FBXO42: variants seen among roughly 807,000 people sequenced by gnomAD.
FBXO42 encodes the protein F-box only protein 42.
Under a neutral mutation model 71.7 loss-of-function variants are expected in FBXO42, and 12 were observed. That is an observed-to-expected ratio of 0.17 (90% CI 0.11 to 0.27). The LOEUF (loss-of-function observed/expected upper bound fraction) is 0.27, where lower values mean the gene tolerates loss of function less well. Ranked by LOEUF, FBXO42 falls within the 10% of genes least tolerant of loss-of-function variation. FBXO42 has a pLI of 1.00. For missense variants in FBXO42, 707 were observed against 911.9 expected (o/e 0.78, Z 2.89); for synonymous variants, 325 against 327.5 (o/e 0.99, Z 0.08).
At chr1:16,342,874 G>C (rs926759205) in intron 1 of FBXO42, among the ~76,000 whole-genome samples, 1 of 151,970 alleles carries the variant, frequency 6.6e-6, no homozygotes, top group Non-Finnish European at 1.5e-5. Context: ...TAGTTCCTGG[G>C]AGAGTAGGTT....
intron 4 of FBXO42, among the ~76,000 whole-genome samples, chr1:16,273,929 T>C (rs912831364): frequency 6.6e-6 from 1 of 152,078 alleles, no homozygotes; most frequent in Non-Finnish European, 1.5e-5. Context: ...CTCATGGTAA[T>C]GGAAGGGAAT....
chr1:16,326,977 T>C (rs950248083), intron 1 of FBXO42, among the ~76,000 whole-genome samples: 3 of 152,182 alleles, frequency 2.0e-5, no homozygotes, highest in African/African-American at 7.2e-5. Context: ...CCTGCTCACT[T>C]ACACAGCACC....
intron 1 of FBXO42, 82 bp from the exon 2 acceptor site, chr1:16,315,517 G>T: frequency 7.1e-7 from 1 of 1,410,972 alleles, no homozygotes; most frequent in Non-Finnish European, 9.6e-7. Flanking sequence ...CAAGCTCTTT[G>T]TAATTTCGTT....
chr1:16,256,647 T>A lies in FBXO42; in HGVS notation c.615A>T (p.Arg205Ser), dbSNP rs1355708705. Residue 205 changes from arginine to serine, a missense_variant, in exon 5 of 10, where the codon AGA (arginine) becomes AGT (serine). Around this residue, in one of 5 missense-constraint regions of FBXO42, gnomAD observed 10 missense variants for 40.2 expected, o/e 0.25. Coordinates refer to ENST00000375592, the MANE Select transcript of FBXO42 (RefSeq NM_018994.3). ...PSPYPLHQPE[R>S]FFDEIHTYSP... ...AGTAAGTGTGTATTTCATCAAAGAA[T>A]CTCTCTGGCTGGTGTAGGGGATAAG... 6.2e-7 allele frequency: 1 copy of A among 1,614,054 alleles called. No individual in the cohort carries two copies. Among genetic ancestry groups the A allele is most frequent in the East Asian group, 2.2e-5 (1 of 44,894 alleles).
At chr1:16,257,862 G>C (rs1323165638) in intron 4 of FBXO42, among the ~76,000 whole-genome samples, 1 of 152,142 alleles carries the variant, frequency 6.6e-6, no homozygotes, top group African/African-American at 2.4e-5. Flanking sequence ...TGCATTTTTA[G>C]TTGAGATGGG....
intron 4 of FBXO42, among the ~76,000 whole-genome samples, chr1:16,281,472 G>GTT (rs376419524): frequency 1.3e-4 from 18 of 136,232 alleles, no homozygotes; most frequent in African/African-American, 2.8e-4. Flanking sequence ...TTCTTTTTTT[G>GTT]TTTTTTTTTT....
chr1:16,334,521 T>C (rs555580805), intron 1 of FBXO42, among the ~76,000 whole-genome samples: 2 of 152,124 alleles, frequency 1.3e-5, no homozygotes, highest in East Asian at 3.9e-4. Flanking sequence ...ATATGGTCTA[T>C]GTTAAACAGT....
At chr1:16,263,620 G>A (rs2081738161) in intron 4 of FBXO42, among the ~76,000 whole-genome samples, 1 of 151,438 alleles carries the variant, frequency 6.6e-6, no homozygotes, top group Non-Finnish European at 1.5e-5. Context: ...CTTCTTGTGA[G>A]GCTGAGGCAG....
chr1:16,351,467 G>A (rs907989777), intron 1 of FBXO42, among the ~76,000 whole-genome samples: 1 of 152,104 alleles, frequency 6.6e-6, no homozygotes, highest in African/African-American at 2.4e-5. Flanking sequence ...TAAGAAATGA[G>A]GCTTTTATTT....
chr1:16,313,352 G>GAA (rs2082334324), intron 2 of FBXO42, among the ~76,000 whole-genome samples: 1 of 149,976 alleles, frequency 6.7e-6, no homozygotes, highest in African/African-American at 2.5e-5. Context: ...AAGAAAGAAA[G>GAA]AAAGAAAGAA....
chr1:16,340,169 C>G (rs987590487), intron 1 of FBXO42, among the ~76,000 whole-genome samples: 1 of 150,704 alleles, frequency 6.6e-6, no homozygotes, highest in African/African-American at 2.4e-5. Flanking sequence ...GAGCAAGACT[C>G]CAGTCTCAAA....
chr1:16,278,743 GGACAGTTATTTCTA>G (rs1553150996), intron 4 of FBXO42, among the ~76,000 whole-genome samples: 1 of 152,020 alleles, frequency 6.6e-6, no homozygotes, highest in Non-Finnish European at 1.5e-5. Flanking sequence ...GTAATATTCT[GGACAGTTATTTCTA>G]GACAGTTATT....
intron 4 of FBXO42, among the ~76,000 whole-genome samples, chr1:16,276,236 C>T (rs1482861077): frequency 1.3e-5 from 2 of 151,650 alleles, no homozygotes; most frequent in South Asian, 2.1e-4. Context: ...AAAAATTAGC[C>T]GGGCATGGTG....
In FBXO42 at chr1:16,320,599, G is replaced by A. The variant is rs533436311; in HGVS notation, c.-17-5164C>T. Among the ~76,000 whole-genome samples the A allele has an allele frequency of 3.3e-5, 5 of 151,654 alleles. No individual in the cohort carries two copies. The East Asian group carries it at 9.7e-4, about 29-fold the overall frequency. ...GCTCACTGCAACCTCTGCCTCCCAG[G>A]TTCAAGTGATTCTCCCACCTCAGCC... is the stretch of plus-strand genomic sequence containing the variant. On this transcript the variant is annotated intron_variant, in intron 1 of 9. Coordinates refer to ENST00000375592, the MANE Select transcript of FBXO42 (RefSeq NM_018994.3).
At chr1:16,253,768 A>C (rs1487149787) in intron 6 of FBXO42, 37 bp from the exon 7 acceptor site, 1 of 1,592,276 alleles carries the variant, frequency 6.3e-7, no homozygotes, top group Admixed American at 1.7e-5. Context: ...GGTAGTTAGG[A>C]GCTCCCAGGG....
intron 7 of FBXO42, 188 bp from the exon 8 acceptor site, chr1:16,253,340 G>T: frequency 1.6e-6 from 1 of 606,310 alleles, no homozygotes. Context: ...TAATTCACCT[G>T]AAAGGATACA....
chr1:16,303,792 C>A (rs2082221712), intron 3 of FBXO42, among the ~76,000 whole-genome samples: 1 of 152,088 alleles, frequency 6.6e-6, no homozygotes, highest in Non-Finnish European at 1.5e-5. Context: ...GTCACCGAGG[C>A]TAGAGTGCAG....
chr1:16,311,503 A>AATATATATAT (rs1553153697), intron 2 of FBXO42, among the ~76,000 whole-genome samples: 2 of 65,560 alleles, frequency 3.1e-5, no homozygotes, highest in Admixed American at 1.7e-4. Context: ...AAAAAAAAAA[A>AATATATATAT]ATATATATAT....
At chr1:16,254,607 T>A (rs1034975728) in intron 6 of FBXO42, among the ~76,000 whole-genome samples, 5 of 152,132 alleles carry the variant, frequency 3.3e-5, no homozygotes, top group African/African-American at 1.2e-4. Flanking sequence ...ATTGGGAGAG[T>A]AGCTCCTATA....
Sources: gnomAD v4.1 joint callset for allele counts (sites outside exome capture counted in the v4.1 genomes callset) on GRCh38, gnomAD v4.1.1 for gene constraint, gnomAD v4.1.1 regional missense constraint, MANE v1.5 for transcripts, NCBI Gene and HGNC (gene_info 2026-07-23, HGNC 2026-07-21) for gene names.